CSMD1: variants seen among roughly 807,000 people sequenced by gnomAD.
The protein encoded by CSMD1 is CUB and sushi domain-containing protein 1.
Under a neutral mutation model 417.5 loss-of-function variants are expected in CSMD1, and 213 were observed. The observed-to-expected ratio is 0.51, with a 90% CI of 0.46 to 0.57. CSMD1 has a LOEUF of 0.57. CSMD1 is among the 20% of genes least tolerant of loss of function. The probability of loss-of-function intolerance (pLI) is 0.00; values close to 1 mark genes in which losing one functional copy is unlikely to be tolerated. For missense variants in CSMD1, 6,923 were observed against 4,529.7 expected, an observed-to-expected ratio of 1.53 and a Z score of -15.17; for synonymous variants, 2,862 against 1,736.8, an observed-to-expected ratio of 1.65 and a Z score of -16.11.
chr8:3,896,574 T>C (rs917159089), intron 5 of CSMD1, among the ~76,000 whole-genome samples: 1 of 151,936 alleles, frequency 6.6e-6, no homozygotes, highest in African/African-American at 2.4e-5. Flanking sequence ...TGCAGTGGCG[T>C]GATCTCGGCT....
chr8:2,949,815 T>A (rs1802502743), intron 67 of CSMD1, among the ~76,000 whole-genome samples: 2 of 152,148 alleles, frequency 1.3e-5, no homozygotes, highest in African/African-American at 2.4e-5. Context: ...AATGGTTAAC[T>A]TGCAAAGAAC....
intron 3 of CSMD1, among the ~76,000 whole-genome samples, chr8:4,259,542 T>C (rs1000031121): frequency 7.2e-4 from 109 of 150,856 alleles, no homozygotes; most frequent in African/African-American, 2.6e-3. Flanking sequence ...AAAATGTCTT[T>C]TTTTTTTTGA....
At chr8:3,948,884 A>G (rs1352621678) in intron 5 of CSMD1, among the ~76,000 whole-genome samples, 1 of 152,136 alleles carries the variant, frequency 6.6e-6, no homozygotes, top group Non-Finnish European at 1.5e-5. Flanking sequence ...AACTAACAAA[A>G]AAGGAGATTT....
At chr8:3,919,762 G>A (rs1259772243) in intron 5 of CSMD1, among the ~76,000 whole-genome samples, 3 of 151,918 alleles carry the variant, frequency 2.0e-5, no homozygotes, top group African/African-American at 4.8e-5. Flanking sequence ...TTCCAATCCA[G>A]GAACACAAGC....
At chr8:3,903,396 C>A (rs1052276463) in intron 5 of CSMD1, among the ~76,000 whole-genome samples, 1 of 152,026 alleles carries the variant, frequency 6.6e-6, no homozygotes, top group East Asian at 1.9e-4. Context: ...TTATCATAAG[C>A]TTTCCAATGC....
In CSMD1 at chr8:3,588,087, A is replaced by C. The variant is rs181731978; in HGVS notation, c.1098-1827T>G. 2.0e-4 allele frequency among the ~76,000 whole-genome samples: 30 copies of C among 150,590 alleles called. No homozygotes were observed. In the East Asian group the frequency reaches 2.7e-3, roughly 14 times the overall value. ...ACCTCATTTAAGAAATTTTCTTTTA[A>C]AAAATTGTTATATCTTTGTGTTTTC... On this transcript the variant is annotated intron_variant, in intron 8 of 69. Coordinates refer to ENST00000635120, the MANE Select transcript of CSMD1 (RefSeq NM_033225.6).
rs764169391 is a variant in CSMD1, at chr8:4,494,497, C to T, written c.303-74432G>A. Among the ~76,000 whole-genome samples the T allele has an allele frequency of 5.9e-5, 9 of 152,232 alleles. No individual in the cohort carries two copies. In the South Asian group the frequency reaches 6.2e-4, roughly 11 times the overall value. ...TGAAGACAATTCTATCCAAGTTTTA[C>T]GTTTATTTTACAACAATAAATTGCT... is the stretch of plus-strand genomic sequence containing the variant. On this transcript the variant is annotated intron_variant, in intron 2 of 69. Coordinates refer to ENST00000635120, the MANE Select transcript of CSMD1 (RefSeq NM_033225.6).
At chr8:3,216,594 G>T (rs1797893581) in intron 29 of CSMD1, among the ~76,000 whole-genome samples, 1 of 152,124 alleles carries the variant, frequency 6.6e-6, no homozygotes, top group African/African-American at 2.4e-5. Flanking sequence ...CCAATGGACT[G>T]CATCTAATCT....
intron 17 of CSMD1, among the ~76,000 whole-genome samples, chr8:3,388,930 C>T (rs534328886): frequency 6.9e-6 from 1 of 145,844 alleles, no homozygotes; most frequent in East Asian, 2.1e-4. Flanking sequence ...CACACACACA[C>T]ACACACACAC....
chr8:3,964,266 C>T lies in CSMD1; in HGVS notation c.818+33637G>A, dbSNP rs529559467. On this transcript the variant is annotated intron_variant, in intron 5 of 69. Transcript: ENST00000635120. ...TTTTGTGGCTATCCCTCCTTTGGGG[C>T]TTAGAGCTCACAGGCTGCTTTAGGG... is the stretch of plus-strand genomic sequence containing the variant. Among the ~76,000 whole-genome samples the T allele has an allele frequency of 3.9e-5, 6 of 152,260 alleles. No homozygotes were observed. The South Asian group carries it at 1.2e-3, about 32-fold the overall frequency.
chr8:3,494,014 GT>G (rs1417006069), intron 10 of CSMD1, among the ~76,000 whole-genome samples: 1 of 152,234 alleles, frequency 6.6e-6, no homozygotes, highest in African/African-American at 2.4e-5. Flanking sequence ...TCTACTAAAT[GT>G]TTACTTTAAC....
chr8:3,756,215 T>A (rs1042467177), intron 5 of CSMD1, among the ~76,000 whole-genome samples: 1 of 151,866 alleles, frequency 6.6e-6, no homozygotes, highest in African/African-American at 2.4e-5. Flanking sequence ...TAGCCGGGCA[T>A]GGTGGCGGGC....
At chr8:4,795,516 C>T (rs1256739150) in intron 1 of CSMD1, among the ~76,000 whole-genome samples, 2 of 151,852 alleles carry the variant, frequency 1.3e-5, no homozygotes, top group Non-Finnish European at 2.9e-5. Flanking sequence ...CCCACCTCGG[C>T]CTTCCAAAGT....
At chr8:3,852,661 C>G (rs1585092287) in intron 5 of CSMD1, among the ~76,000 whole-genome samples, 2 of 140,826 alleles carry the variant, frequency 1.4e-5, no homozygotes, top group Admixed American at 7.0e-5. Context: ...CTGAGGCAGG[C>G]CAAGATGAAT....
rs865819789 is a variant in CSMD1 at position 3,118,486 on chromosome 8, G to A, written c.6343C>T (p.Pro2115Ser). The A allele has an allele frequency of 1.2e-6, 2 of 1,613,854 alleles. No individual in the cohort carries two copies. Among genetic ancestry groups the A allele is most frequent in the Middle Eastern group, 1.6e-4 (1 of 6,062 alleles). Reference sequence around the variant, plus strand: ...GGATGGCCTATTAGAATGTACCCAGGATAACACTCGAAAGATACTGATTGC... The same window carrying A: ...GGATGGCCTATTAGAATGTACCCAGAATAACACTCGAAAGATACTGATTGC... ...VGQSVSFECYPGYILIGHPVL... is the reference protein window; with the variant it reads ...VGQSVSFECYSGYILIGHPVL... The change falls in exon 42 of 70, where the codon CCT (proline) becomes TCT (serine). Residue 2115 changes from proline (P) to serine (S), a missense_variant. By Grantham distance (74) the Pro-to-Ser change is moderately conservative. Transcript: ENST00000635120.
chr8:3,538,942 A>G (rs115193395), intron 10 of CSMD1, among the ~76,000 whole-genome samples: 1 of 152,094 alleles, frequency 6.6e-6, no homozygotes, highest in Non-Finnish European at 1.5e-5. Flanking sequence ...CGTTTGTGAG[A>G]CCCCAATGTC....
At chr8:3,115,759 G>A (rs1427138584) in intron 42 of CSMD1, among the ~76,000 whole-genome samples, 2 of 152,090 alleles carry the variant, frequency 1.3e-5, no homozygotes, top group Non-Finnish European at 1.5e-5. Context: ...ATATACTTGT[G>A]AAGACTGATG....
chr8:3,758,960 G>C (rs1246688420), intron 5 of CSMD1, among the ~76,000 whole-genome samples: 1 of 152,194 alleles, frequency 6.6e-6, no homozygotes, highest in Non-Finnish European at 1.5e-5. Flanking sequence ...GACGCATTGA[G>C]GGCTTCACCC....
At chr8:3,664,361 C>T (rs911371886) in intron 7 of CSMD1, among the ~76,000 whole-genome samples, 4 of 152,206 alleles carry the variant, frequency 2.6e-5, no homozygotes, top group Admixed American at 6.5e-5. Context: ...TATTGGACTT[C>T]ATACAATGAA....
Sources: allele counts gnomAD v4.1 joint callset (sites outside exome capture counted in the v4.1 genomes callset), GRCh38; gene constraint gnomAD v4.1.1; transcripts MANE v1.5; gene names NCBI Gene and HGNC (gene_info 2026-07-23, HGNC 2026-07-21).